The following STK31 variants were observed in gnomAD, a reference collection of about 807,000 sequenced individuals.
STK31 encodes the protein serine/threonine-protein kinase 31.
A neutral mutation model predicts 129.7 loss-of-function variants in STK31; 89 were observed. The observed-to-expected ratio is 0.69, with a 90% CI of 0.58 to 0.82. The LOEUF (loss-of-function observed/expected upper bound fraction) is 0.82. Among genes scored for constraint, STK31 ranks in the 40% least tolerant of loss-of-function variants. The pLI, the probability that STK31 is intolerant of heterozygous loss-of-function variation, is 0.00. For missense variants in STK31, 1,187 were observed against 1,176.4 expected (o/e 1.01, Z -0.13); for synonymous variants, 448 against 395.3 (o/e 1.13, Z -1.58).
chr7:23,717,230 G>C (rs1786399225), intron 3 of STK31, among the ~76,000 whole-genome samples: 3 of 145,868 alleles, frequency 2.1e-5, no homozygotes, highest in Non-Finnish European at 4.5e-5. Flanking sequence ...CTTTCCATAT[G>C]ATTTAATTAT....
At chr7:23,808,158 T>TAC (rs1792833249) in intron 22 of STK31, among the ~76,000 whole-genome samples, 1 of 112,528 alleles carries the variant, frequency 8.9e-6, no homozygotes, top group African/African-American at 3.2e-5. Flanking sequence ...TTAATATATA[T>TAC]ATATATATAT....
intron 4 of STK31, chr7:23,721,790 C>CTGATCCTCTACAGGCA (rs1786715311): frequency 4.7e-6 from 3 of 637,946 alleles, no homozygotes; most frequent in Admixed American, 2.1e-5. Context: ...TCTGCGTTAA[C>CTGATCCTCTACAGGCA]TGATCCTCTA....
At chr7:23,717,005 C>T (rs1437535967) in intron 3 of STK31, among the ~76,000 whole-genome samples, 4 of 149,196 alleles carry the variant, frequency 2.7e-5, no homozygotes, top group African/African-American at 9.9e-5. Flanking sequence ...ACCACATTGC[C>T]AAGCTAGTCT....
At chr7:23,717,097 C>CCTTTTTTTTTTTT (rs1786381897) in intron 3 of STK31, among the ~76,000 whole-genome samples, 1 of 42,936 alleles carries the variant, frequency 2.3e-5, no homozygotes, top group Non-Finnish European at 4.2e-5. Flanking sequence ...TCGCAACCTG[C>CCTTTTTTTTTTTT]TTTTTTTTTT....
intron 15 of STK31, among the ~76,000 whole-genome samples, chr7:23,776,379 TG>T (rs1790544862): frequency 6.6e-6 from 1 of 152,200 alleles, no homozygotes; most frequent in Admixed American, 6.5e-5. Context: ...CTTTTTCTGT[TG>T]TTTGGAATTG....
intron 8 of STK31, among the ~76,000 whole-genome samples, chr7:23,737,522 A>G (rs1311242543): frequency 6.6e-6 from 1 of 152,206 alleles, no homozygotes; most frequent in Non-Finnish European, 1.5e-5. Flanking sequence ...AAAGGACTTT[A>G]AAAAACCGTA....
chr7:23,786,035 C>T (rs1287343878), intron 18 of STK31, among the ~76,000 whole-genome samples: 1 of 151,362 alleles, frequency 6.6e-6, no homozygotes, highest in Non-Finnish European at 1.5e-5. Context: ...AAAGCTTTGT[C>T]TCACAAGAAA....
chr7:23,738,284 G>A (rs957537491), intron 8 of STK31, among the ~76,000 whole-genome samples: 2 of 152,178 alleles, frequency 1.3e-5, no homozygotes, highest in Admixed American at 1.3e-4. Flanking sequence ...GAGGTACAGA[G>A]CTTCCATGCC....
At position 23,763,984 on chromosome 7, in the gene STK31, C is replaced by G. The variant is rs1477937590; in HGVS notation, c.1416+1061C>G. On this transcript the variant is annotated intron_variant, in intron 11 of 23. Transcript: ENST00000355870. ...TTGTGGACTGCAGGGAGTAAGCTTG[C>G]TAGAAATTTGGAGAAGAAGATATTC... Among the ~76,000 whole-genome samples, 3 of 152,160 alleles carry G rather than the reference C, an allele frequency of 2.0e-5. No individual in the cohort carries two copies. In the East Asian group the frequency reaches 5.8e-4, roughly 29 times the overall value.
In STK31 at chr7:23,806,799, C is replaced by T. The variant is rs200339170; in HGVS notation, c.2761-8345C>T. 1.0e-4 allele frequency among the ~76,000 whole-genome samples: 15 copies of T among 149,782 alleles called. No individual in the cohort carries two copies. The East Asian group carries it at 2.4e-3, about 24-fold the overall frequency. On this transcript the variant is annotated intron_variant, in intron 22 of 23. Coordinates refer to ENST00000355870, the MANE Select transcript of STK31 (RefSeq NM_031414.5). The stretch of plus-strand genomic sequence containing the variant: ...CCTGTAGTCCCAGCTACTGGGGAGG[C>T]TGAGGCAGGAGAATGGTGTGAACCC...
intron 22 of STK31, among the ~76,000 whole-genome samples, chr7:23,793,375 A>G (rs941713351): frequency 6.6e-6 from 1 of 152,224 alleles, no homozygotes; most frequent in Non-Finnish European, 1.5e-5. Flanking sequence ...CATCAACTCT[A>G]AAAGAAAAAA....
chr7:23,744,900 C>T (rs951671103), intron 8 of STK31, among the ~76,000 whole-genome samples: 2 of 152,186 alleles, frequency 1.3e-5, no homozygotes, highest in Non-Finnish European at 1.5e-5. Flanking sequence ...TGTTAGAAAG[C>T]CCAGGTTGGC....
chr7:23,779,706 C>A (rs1790790088), intron 15 of STK31, among the ~76,000 whole-genome samples: 1 of 152,134 alleles, frequency 6.6e-6, no homozygotes, highest in Admixed American at 6.5e-5. Context: ...TGGAGTGACC[C>A]AGGTTGACTT....
intron 11 of STK31, 84 bp from the exon 12 acceptor site, chr7:23,768,911 T>C: frequency 1.7e-6 from 2 of 1,149,632 alleles, no homozygotes; most frequent in South Asian, 5.3e-5. Flanking sequence ...GCATACTGCT[T>C]TTCTACCCCT....
At chr7:23,727,117 A>G in intron 4 of STK31, 124 bp from the exon 5 acceptor site, 2 of 743,076 alleles carry the variant, frequency 2.7e-6, no homozygotes, top group Non-Finnish European at 4.5e-6. Flanking sequence ...GGATTGTGAG[A>G]ATTAAATGAG....
rs1448133208 is a variant in STK31, at chr7:23,712,086, G to T, written c.51-13G>T. Reference sequence around the variant, plus strand: ...GGTGGATTATTGTAATCTAATTTAAGGTATTGTTCTAGTTTTTCAGGAATT... The same window carrying T: ...GGTGGATTATTGTAATCTAATTTAATGTATTGTTCTAGTTTTTCAGGAATT... On this transcript the variant is annotated splice_polypyrimidine_tract_variant and intron_variant, in intron 1 of 23. Coordinates refer to ENST00000355870, the MANE Select transcript of STK31 (RefSeq NM_031414.5). 1 of 1,586,390 alleles carries T rather than the reference G, an allele frequency of 6.3e-7. No homozygotes were observed.
chr7:23,760,524 G>C (rs1202666987), intron 10 of STK31, among the ~76,000 whole-genome samples: 6 of 152,132 alleles, frequency 3.9e-5, no homozygotes, highest in Admixed American at 1.3e-4. Flanking sequence ...TGAAACACAG[G>C]CAGTGTGTTT....
chr7:23,800,291 T>C (rs1339403018), intron 22 of STK31, among the ~76,000 whole-genome samples: 4 of 152,188 alleles, frequency 2.6e-5, no homozygotes, highest in Admixed American at 6.5e-5. Flanking sequence ...CTTAAGTTTA[T>C]TGCAGCATTG....
rs182240217 is a variant in STK31, at chr7:23,808,969, G to C, written c.2761-6175G>C. ...TGTGTGTGTGTGTGTGTGTGTGTGT[G>C]TGCCTGTGTCTGTTGGCATTTCTGG... On this transcript the variant is annotated intron_variant, in intron 22 of 23. Coordinates refer to ENST00000355870, the MANE Select transcript of STK31 (RefSeq NM_031414.5). Among the ~76,000 whole-genome samples, 9 of 145,164 alleles carry C rather than the reference G, an allele frequency of 6.2e-5. 1 individual carries two copies. Among genetic ancestry groups the C allele is most frequent in the South Asian group, 2.3e-4 (1 of 4,346 alleles).
Sources: allele counts gnomAD v4.1 joint callset (sites outside exome capture counted in the v4.1 genomes callset), GRCh38; gene constraint gnomAD v4.1.1; transcripts MANE v1.5; gene names NCBI Gene and HGNC (gene_info 2026-07-23, HGNC 2026-07-21).